SFXN1: variants seen among roughly 807,000 people sequenced by gnomAD.
SFXN1 encodes sideroflexin 1, also known as sideroflexin-1.
SFXN1 carries 32 observed loss-of-function variants against 39.5 expected under a neutral mutation model. The ratio of observed to expected loss-of-function variants is 0.81; its 90% CI spans 0.61 to 1.09. SFXN1 has a LOEUF of 1.09. SFXN1 is among the 50% of genes least tolerant of loss of function. SFXN1 has a pLI of 0.00. For missense variants in SFXN1, 402 were observed against 407.1 expected, an observed-to-expected ratio of 0.99 and a Z score of 0.11; for synonymous variants, 136 against 146.5, an observed-to-expected ratio of 0.93 and a Z score of 0.52.
At chr5:175,509,644 C>T (rs2113331542) in intron 3 of SFXN1, among the ~76,000 whole-genome samples, 1 of 152,052 alleles carries the variant, frequency 6.6e-6, no homozygotes, top group East Asian at 1.9e-4. Flanking sequence ...AAAGAGTCTG[C>T]AGGCAAATTC....
chr5:175,512,089 CT>C, intron 5 of SFXN1, 21 bp from the exon 6 acceptor site: 1 of 1,606,136 alleles, frequency 6.2e-7, no homozygotes, highest in Non-Finnish European at 8.5e-7. Context: ...AGATAAAGCT[CT>C]TGAAATTTTC....
chr5:175,479,008 C>T (rs1006317562), intron 1 of SFXN1, among the ~76,000 whole-genome samples: 4 of 152,226 alleles, frequency 2.6e-5, no homozygotes, highest in African/African-American at 9.6e-5. Flanking sequence ...ATGGCTGCCT[C>T]GGGGGCAGCG....
At chr5:175,498,120 T>A (rs1759935029) in intron 2 of SFXN1, among the ~76,000 whole-genome samples, 1 of 151,784 alleles carries the variant, frequency 6.6e-6, no homozygotes, top group Admixed American at 6.6e-5. Flanking sequence ...ATCTTATTAA[T>A]GAGAAAATTA....
intron 2 of SFXN1, among the ~76,000 whole-genome samples, chr5:175,506,604 A>G (rs994963932): frequency 2.0e-5 from 3 of 152,212 alleles, no homozygotes; most frequent in Admixed American, 6.5e-5. Context: ...GGAGATTGGT[A>G]TATATTACAG....
Position 175,482,419 on chromosome 5 carries a change from A to G in SFXN1, c.-10+3780A>G, listed in dbSNP as rs148632667. 4.5e-3 allele frequency among the ~76,000 whole-genome samples: 689 copies of G among 152,316 alleles called. 7 individuals carry two copies. The Middle Eastern group carries it at 0.054, about 12-fold the overall frequency. On this transcript the variant is annotated intron_variant, in intron 1 of 10. Coordinates refer to ENST00000321442, the MANE Select transcript of SFXN1 (RefSeq NM_022754.7). Reference sequence around the variant, plus strand: ...ATTTTGGAAAATTCTTTTTTTCTCCAGCAGTTAAGCATTTTCTTAGCATGC... The same window carrying G: ...ATTTTGGAAAATTCTTTTTTTCTCCGGCAGTTAAGCATTTTCTTAGCATGC...
intron 1 of SFXN1, among the ~76,000 whole-genome samples, chr5:175,489,567 C>T (rs921884119): frequency 6.6e-6 from 1 of 152,162 alleles, no homozygotes; most frequent in African/African-American, 2.4e-5. Context: ...ACATACATTT[C>T]TTGTATCCCC....
At chr5:175,519,959 TC>T (rs1305202633) in intron 8 of SFXN1, among the ~76,000 whole-genome samples, 1 of 139,322 alleles carries the variant, frequency 7.2e-6, no homozygotes, top group African/African-American at 2.7e-5. Flanking sequence ...AAACTCTGCC[TC>T]CCGGGTTCAA....
chr5:175,528,757 AT>A lies in SFXN1; in HGVS notation c.*2025del, dbSNP rs1761152574. ...GGAAGCAAAACGGTTTTCCCATGACATTCTGGCCTTGGACAGATTCTGTTGT... is the reference window on the plus strand; with the variant it reads ...GGAAGCAAAACGGTTTTCCCATGACATCTGGCCTTGGACAGATTCTGTTGT... On this transcript the variant is annotated 3_prime_UTR_variant, in exon 11 of 11. Transcript: ENST00000321442. 1 of 152,304 alleles carries A rather than the reference AT, an allele frequency of 6.6e-6. No homozygotes were observed. Among genetic ancestry groups the A allele is most frequent in the South Asian group, 2.1e-4 (1 of 4,826 alleles). 9.4% of individuals were successfully genotyped at this position (152,304 alleles called of 1,614,324 possible).
intron 2 of SFXN1, among the ~76,000 whole-genome samples, chr5:175,503,662 G>A (rs1581292759): frequency 6.6e-6 from 1 of 152,232 alleles, no homozygotes; most frequent in Non-Finnish European, 1.5e-5. Context: ...AGCAATGCAC[G>A]AAATAATGGA....
chr5:175,519,864 C>CTTTTTTTTTT (rs369561037), intron 8 of SFXN1, among the ~76,000 whole-genome samples: 3 of 77,282 alleles, frequency 3.9e-5, no homozygotes, highest in Non-Finnish European at 4.8e-5. Context: ...GGGTTTTTTG[C>CTTTTTTTTTT]TTTTTTTTTT....
intron 2 of SFXN1, among the ~76,000 whole-genome samples, chr5:175,500,763 T>C (rs1364500773): frequency 6.6e-6 from 1 of 152,202 alleles, no homozygotes; most frequent in Non-Finnish European, 1.5e-5. Flanking sequence ...TTTAGCATTG[T>C]TGTAAGGAGA....
At chr5:175,507,705 G>C (rs1162142326) in intron 2 of SFXN1, among the ~76,000 whole-genome samples, 2 of 152,168 alleles carry the variant, frequency 1.3e-5, no homozygotes, top group African/African-American at 4.8e-5. Context: ...GGGCATGGTG[G>C]CCCACGCCTG....
chr5:175,492,049 T>C, intron 1 of SFXN1, 46 bp from the exon 2 acceptor site: 1 of 1,457,640 alleles, frequency 6.9e-7, no homozygotes, highest in Non-Finnish European at 9.3e-7. Flanking sequence ...AAATACGTAG[T>C]GACATTGTAA....
intron 1 of SFXN1, among the ~76,000 whole-genome samples, chr5:175,486,559 C>T (rs1156914054): frequency 6.6e-6 from 1 of 152,198 alleles, no homozygotes; most frequent in Non-Finnish European, 1.5e-5. Flanking sequence ...CCCGGGAGTT[C>T]GAGACCAGCC....
At chr5:175,500,893 A>G (rs1561661847) in intron 2 of SFXN1, among the ~76,000 whole-genome samples, 1 of 152,182 alleles carries the variant, frequency 6.6e-6, no homozygotes, top group Non-Finnish European at 1.5e-5. Context: ...TGTTCAATGA[A>G]TAGTTCTGGA....
chr5:175,520,268 T>C (rs1410731162), intron 8 of SFXN1, among the ~76,000 whole-genome samples: 1 of 152,184 alleles, frequency 6.6e-6, no homozygotes, highest in African/African-American at 2.4e-5. Flanking sequence ...ATAATTACTC[T>C]CTTTAATTCA....
chr5:175,525,560 CCTGA>C (rs1315784250), intron 10 of SFXN1, among the ~76,000 whole-genome samples: 2 of 152,044 alleles, frequency 1.3e-5, no homozygotes, highest in Admixed American at 1.3e-4. Flanking sequence ...AAGCTTATAT[CCTGA>C]CTTTTTTTAA....
chr5:175,526,535 C>A, intron 10 of SFXN1, 103 bp from the exon 11 acceptor site: 1 of 825,546 alleles, frequency 1.2e-6, no homozygotes, highest in Non-Finnish European at 2.0e-6. Context: ...ACCCACTGTA[C>A]CAGTCCTGGG....
intron 1 of SFXN1, chr5:175,484,277 G>A (rs528751297): frequency 1.3e-5 from 2 of 152,312 alleles, no homozygotes; most frequent in South Asian, 4.2e-4. Context: ...ACAAGCCCAG[G>A]GGCCATAATT....
Sources: gnomAD v4.1 joint callset for allele counts (sites outside exome capture counted in the v4.1 genomes callset) on GRCh38, gnomAD v4.1.1 for gene constraint, MANE v1.5 for transcripts, NCBI Gene and HGNC (gene_info 2026-07-23, HGNC 2026-07-21) for gene names.